Variants in ARK2N observed in about 807,000 individuals in gnomAD.
ARK2N encodes the protein protein ARK2N.
chr18:46,196,331 G>A, the ARK2N span, among the ~76,000 whole-genome samples: 2 of 149,266 alleles, frequency 1.3e-5, no homozygotes, highest in South Asian at 2.1e-4. Context: ...GCGTGATCTC[G>A]GCTCACTGCA....
At chr18:46,201,864 G>C in the ARK2N span, among the ~76,000 whole-genome samples, 30 of 150,010 alleles carry the variant, frequency 2.0e-4, no homozygotes, top group Admixed American at 7.4e-4. Context: ...TGCAACCTCT[G>C]CCTCCTGGGT....
At chr18:46,201,833 A>G in the ARK2N span, among the ~76,000 whole-genome samples, 1 of 148,022 alleles carries the variant, frequency 6.8e-6, no homozygotes, top group African/African-American at 2.5e-5. Flanking sequence ...GCTGGAGTGC[A>G]GTGGAGTGAT....
At chr18:46,200,109 G>A in the ARK2N span, among the ~76,000 whole-genome samples, 2 of 151,244 alleles carry the variant, frequency 1.3e-5, no homozygotes, top group African/African-American at 4.9e-5. Context: ...CGTGCTGGGG[G>A]CAGAGGGTGT....
the ARK2N span, among the ~76,000 whole-genome samples, chr18:46,242,247 T>TA: frequency 6.6e-6 from 1 of 152,284 alleles, no homozygotes; most frequent in South Asian, 2.1e-4. Context: ...AGTTTTGGGG[T>TA]AAAAAATGAA....
chr18:46,185,173 GATATTGATTAT>G, the ARK2N span, among the ~76,000 whole-genome samples: 3 of 152,212 alleles, frequency 2.0e-5, no homozygotes, highest in Admixed American at 6.5e-5. Flanking sequence ...ACAAATATCA[GATATTGATTAT>G]GTGTTAGGAA....
the ARK2N span, among the ~76,000 whole-genome samples, chr18:46,187,937 C>G: frequency 0.021 from 3,247 of 152,226 alleles, 50 homozygotes; most frequent in Non-Finnish European, 0.033. Flanking sequence ...AACTGGAACT[C>G]CCCCGCTAAG....
chr18:46,193,406 C>CCTT, the ARK2N span, among the ~76,000 whole-genome samples: 101 of 151,602 alleles, frequency 6.7e-4, no homozygotes, highest in African/African-American at 2.2e-3. Flanking sequence ...TCACCTGCCT[C>CCTT]AGCCTCCCGA....
the ARK2N span, among the ~76,000 whole-genome samples, chr18:46,197,695 TATA>T: frequency 4.6e-5 from 7 of 152,126 alleles, no homozygotes; most frequent in African/African-American, 1.7e-4. Flanking sequence ...ATACCCAACA[TATA>T]ATAGCCAGTT....
chr18:46,265,399 T>C, the ARK2N span: 4 of 152,560 alleles, frequency 2.6e-5, no homozygotes, highest in Non-Finnish European at 5.9e-5. Flanking sequence ...CCTAATATAG[T>C]CATCCTCTAC....
chr18:46,205,471 G>T, the ARK2N span, among the ~76,000 whole-genome samples: 3 of 152,132 alleles, frequency 2.0e-5, no homozygotes, highest in African/African-American at 4.8e-5. Context: ...AGCGCATTTC[G>T]AGAAGGAATG....
the ARK2N span, among the ~76,000 whole-genome samples, chr18:46,246,714 G>A: frequency 1.4e-5 from 2 of 145,722 alleles, no homozygotes; most frequent in Admixed American, 1.4e-4. Flanking sequence ...AGGCCGAGGC[G>A]GGTAGATTAC....
At chr18:46,228,649 C>T in the ARK2N span, 1 of 394,090 alleles carries the variant, frequency 2.5e-6, no homozygotes, top group Admixed American at 4.4e-5. Flanking sequence ...GCAGAGGTGC[C>T]ATCTTGTCTC....
At chr18:46,228,036 A>G in the ARK2N span, among the ~76,000 whole-genome samples, 3 of 152,362 alleles carry the variant, frequency 2.0e-5, no homozygotes, top group African/African-American at 4.8e-5. Context: ...TGAGTTTATT[A>G]TAACTGATGG....
the ARK2N span, chr18:46,216,639 T>C: frequency 6.8e-7 from 1 of 1,480,722 alleles, no homozygotes; most frequent in Non-Finnish European, 9.2e-7. This position sits in a 1 kb window ranked among gnomAD's most constrained non-coding sequence, Gnocchi z 4.3. Flanking sequence ...CCTGATGGCA[T>C]TTCTCAGCTA....
chr18:46,191,375 G>A, the ARK2N span, among the ~76,000 whole-genome samples: 1 of 151,444 alleles, frequency 6.6e-6, no homozygotes, highest in African/African-American at 2.4e-5. Context: ...TAGAGATGGG[G>A]TCTCTACAAA....
chr18:46,209,290 CTTTTTT>C, the ARK2N span, among the ~76,000 whole-genome samples: 2 of 138,646 alleles, frequency 1.4e-5, no homozygotes, highest in East Asian at 2.1e-4. Context: ...TACTTCTCCA[CTTTTTT>C]TTTTTTTTTT....
chr18:46,190,305 A>C, the ARK2N span, among the ~76,000 whole-genome samples: 2 of 152,028 alleles, frequency 1.3e-5, no homozygotes, highest in Admixed American at 6.6e-5. Flanking sequence ...GGATCACATG[A>C]AGTCGGGGAT....
At chr18:46,255,017 C>G in the ARK2N span, among the ~76,000 whole-genome samples, 1 of 148,856 alleles carries the variant, frequency 6.7e-6, no homozygotes, top group Admixed American at 7.0e-5. Flanking sequence ...AGGTATATAA[C>G]ATAGTGTATT....
chr18:46,240,672 C>T, the ARK2N span, among the ~76,000 whole-genome samples: 1 of 152,134 alleles, frequency 6.6e-6, no homozygotes, highest in Non-Finnish European at 1.5e-5. Context: ...TCAGTAAGTT[C>T]TCATTTGTCT....
Sources: allele counts gnomAD v4.1 joint callset (sites outside exome capture counted in the v4.1 genomes callset), GRCh38; gene constraint gnomAD v4.1.1; non-coding constraint Gnocchi (gnomAD v3.1); transcripts MANE v1.5; gene names NCBI Gene and HGNC (gene_info 2026-07-23, HGNC 2026-07-21).